The following STON2 variants were observed in gnomAD, a reference collection of about 807,000 sequenced individuals.
STON2 encodes stonin 2.
Under a neutral mutation model 65.7 loss-of-function variants are expected in STON2, and 29 were observed. The ratio of observed to expected loss-of-function variants is 0.44; its 90% CI spans 0.33 to 0.60. STON2 has a LOEUF of 0.60. Among genes scored for constraint, STON2 ranks in the 20% least tolerant of loss-of-function variants. The pLI is 0.03. For synonymous variants in STON2, 404 were observed against 414.2 expected (o/e 0.98, Z 0.30); for missense variants, 1,054 against 1,118.1 (o/e 0.94, Z 0.82).
At position 81,398,512 on chromosome 14, in the gene STON2, C is replaced by A; in HGVS notation, c.-130G>T. 1.6e-6 allele frequency: 1 copy of A among 627,236 alleles called. No homozygotes were observed. 38.9% of individuals were successfully genotyped at this position (627,236 alleles called of 1,614,324 possible). A position where few individuals can be genotyped will look rare whatever the true frequency, so the allele number is the denominator to read the frequency against. On this transcript the variant is annotated 5_prime_UTR_variant, in exon 2 of 8. Coordinates refer to ENST00000614646, the MANE Select transcript of STON2 (RefSeq NM_001394390.1). ...TCCAGGGTCTGTTCTAGGTGTCTTG[C>A]CAAGGGCAGTACTCAGAATGTAGAC... is the stretch of plus-strand genomic sequence containing the variant.
At chr14:81,426,080 A>G (rs1014440938) in intron 2 of STON2, among the ~76,000 whole-genome samples, 1 of 152,220 alleles carries the variant, frequency 6.6e-6, no homozygotes, top group Non-Finnish European at 1.5e-5. Context: ...CGAATGTCGC[A>G]CTTACTGAGC....
chr14:81,291,370 A>G (rs761293405), intron 5 of STON2, among the ~76,000 whole-genome samples: 31 of 152,164 alleles, frequency 2.0e-4, no homozygotes, highest in Non-Finnish European at 3.5e-4. Flanking sequence ...TAAGTCATGA[A>G]TACACTTTGA....
At chr14:81,339,659 C>T (rs1423129179) in intron 4 of STON2, among the ~76,000 whole-genome samples, 1 of 152,156 alleles carries the variant, frequency 6.6e-6, no homozygotes, top group Admixed American at 6.5e-5. Context: ...CCAAAGAAGG[C>T]CAGGCTAAAG....
chr14:81,312,228 T>TA (rs1158796798), intron 5 of STON2, among the ~76,000 whole-genome samples: 4 of 152,128 alleles, frequency 2.6e-5, no homozygotes, highest in African/African-American at 9.7e-5. Flanking sequence ...CAGGCAAGCA[T>TA]AAAAAGGCAG....
intron 2 of STON2, 68 bp downstream of exon 2, chr14:81,398,227 G>A (rs1191163239): frequency 9.0e-7 from 1 of 1,105,868 alleles, no homozygotes; most frequent in Non-Finnish European, 1.3e-6. Flanking sequence ...TAATCAAGTA[G>A]AAGCCATAAC....
At chr14:81,305,223 T>C (rs1896126040) in intron 5 of STON2, among the ~76,000 whole-genome samples, 1 of 152,262 alleles carries the variant, frequency 6.6e-6, no homozygotes, top group African/African-American at 2.4e-5. Flanking sequence ...TTCTTGCACA[T>C]GCCTTTGATG....
intron 1 of STON2, chr14:81,427,384 A>G (rs1275046280): frequency 1.3e-5 from 2 of 152,236 alleles, no homozygotes; most frequent in Non-Finnish European, 2.9e-5. Context: ...GCCCAGGAGC[A>G]CTGTGCTGTG....
chr14:81,405,344 T>C lies in STON2; in HGVS notation c.-198-6764A>G, dbSNP rs1163048177. On this transcript the variant is annotated intron_variant, in intron 2 of 8. Coordinates refer to the STON2 transcript ENST00000553821. Reference sequence around the variant, plus strand: ...TATTTCTTTGCTGTGATGCCTTATATATTCACTCATTGTGACAATATTTTC... The same window carrying C: ...TATTTCTTTGCTGTGATGCCTTATACATTCACTCATTGTGACAATATTTTC... 2.0e-5 allele frequency among the ~76,000 whole-genome samples: 3 copies of C among 152,220 alleles called. No homozygotes were observed. In the East Asian group the frequency reaches 5.8e-4, roughly 29 times the overall value.
At chr14:81,317,320 C>T (rs1896662058) in intron 5 of STON2, among the ~76,000 whole-genome samples, 1 of 152,214 alleles carries the variant, frequency 6.6e-6, no homozygotes, top group Non-Finnish European at 1.5e-5. Flanking sequence ...CACCAGGCCC[C>T]ACCTCCAAAA....
rs115218655 is a variant in STON2 at position 81,430,092 on chromosome 14, C to G, written c.-309-2880G>C. Among the ~76,000 whole-genome samples, 571 of 152,284 alleles carry G rather than the reference C, an allele frequency of 3.7e-3. 3 individuals carry two copies. The highest frequency in any genetic ancestry group is 0.013 in the African/African-American group (555 of 41,552). ...CTTAGACCCATTCCTTCCCTAAAGA[C>G]TATGGTTCCCACCTAGCTAAATCCT... On this transcript the variant is annotated intron_variant, in intron 1 of 8. Transcript: ENST00000553821.
intron 4 of STON2, among the ~76,000 whole-genome samples, chr14:81,348,868 C>G (rs1307058931): frequency 7.7e-6 from 1 of 129,470 alleles, no homozygotes; most frequent in Non-Finnish European, 1.8e-5. Flanking sequence ...GTTATAGTGA[C>G]TAAACAGCAT....
In STON2 at chr14:81,261,940, A is replaced by G; in HGVS notation, c.*6474T>C. 7.2e-7 allele frequency: 1 copy of G among 1,396,958 alleles called. No homozygotes were observed. The highest frequency in any genetic ancestry group is 9.2e-7 in the Non-Finnish European group (1 of 1,081,768). 86.5% of individuals were successfully genotyped at this position (1,396,958 alleles called of 1,614,324 possible). On this transcript the variant is annotated 3_prime_UTR_variant, in exon 8 of 8. Coordinates refer to ENST00000614646, the MANE Select transcript of STON2 (RefSeq NM_001394390.1). ...TTGTCTGTTTCTGTTGTCTGGGGAA[A>G]TGATAAAAAAAAAAAAAAAAAAGAG...
At chr14:81,374,104 G>C (rs774649463) in intron 3 of STON2, among the ~76,000 whole-genome samples, 1 of 125,506 alleles carries the variant, frequency 8.0e-6, no homozygotes, top group African/African-American at 3.1e-5. Flanking sequence ...TCCACCTCCC[G>C]GGCTCAAGTG....
intron 2 of STON2, among the ~76,000 whole-genome samples, chr14:81,418,519 C>A (rs766039367): frequency 6.6e-6 from 1 of 152,126 alleles, no homozygotes; most frequent in Non-Finnish European, 1.5e-5. Flanking sequence ...ACCCAGATTA[C>A]AGTTTAAAGC....
Position 81,277,850 on chromosome 14 carries a change from A to C in STON2, c.1632T>G (p.Leu544=). The C allele has an allele frequency of 6.2e-7, 1 of 1,614,138 alleles. No homozygotes were observed. Among genetic ancestry groups the C allele is most frequent in the African/African-American group, 1.3e-5 (1 of 75,018 alleles). Residue 544 remains leucine, a synonymous_variant, in exon 6 of 8, where the codon CTT becomes CTG. Coordinates refer to ENST00000614646, the MANE Select transcript of STON2 (RefSeq NM_001394390.1). ...TTCTGCCATTCTCATCATAGTTTTG[A>C]AGCCGGGGTTCTGAAATCTCATGAC... ...EICHEISEPR[L]QNYDENGRIH... is the part of the protein sequence containing the mutation.
rs1894295901 is a variant in STON2 at position 81,264,896 on chromosome 14, T to A, written c.*3518A>T. The A allele has an allele frequency of 1.0e-6, 1 of 985,312 alleles. No individual in the cohort carries two copies. Among genetic ancestry groups the A allele is most frequent in the Admixed American group, 6.1e-5 (1 of 16,268 alleles). The allele number at this position is 985,312 out of a possible 1,614,324, so 61.0% of individuals were successfully genotyped here. A position where few individuals can be genotyped will look rare whatever the true frequency, so the allele number is the denominator to read the frequency against. ...TCACATTGTCTTGTCTGACATGTCA[T>A]GAGTACATTTCTTATCTTTTTGCTG... On this transcript the variant is annotated 3_prime_UTR_variant, in exon 8 of 8. Coordinates refer to ENST00000614646, the MANE Select transcript of STON2 (RefSeq NM_001394390.1).
chr14:81,420,746 T>G (rs1431138978), intron 2 of STON2, among the ~76,000 whole-genome samples: 6 of 152,176 alleles, frequency 3.9e-5, no homozygotes, highest in African/African-American at 1.4e-4. Context: ...GGCAGGATGG[T>G]ATCTATAAGA....
chr14:81,373,714 A>G lies in STON2; in HGVS notation c.374-2529T>C, dbSNP rs543886234. On this transcript the variant is annotated intron_variant, in intron 3 of 7. Transcript: ENST00000614646. ...AGGGCCAACCGAAGATGGGGAACAG[A>G]AGAGCTGACGCATAAAGTGAGAATT... 1.1e-4 allele frequency among the ~76,000 whole-genome samples: 17 copies of G among 152,324 alleles called. No homozygotes were observed. In the East Asian group the frequency reaches 3.1e-3, roughly 28 times the overall value.
At chr14:81,373,037 G>A (rs770139287) in intron 3 of STON2, among the ~76,000 whole-genome samples, 42 of 151,916 alleles carry the variant, frequency 2.8e-4, no homozygotes, top group Non-Finnish European at 4.7e-4. Flanking sequence ...CCAAAAATGC[G>A]AGGTCCCCTT....
Sources: allele counts gnomAD v4.1 joint callset (sites outside exome capture counted in the v4.1 genomes callset), GRCh38; gene constraint gnomAD v4.1.1; transcripts MANE v1.5; gene names NCBI Gene and HGNC (gene_info 2026-07-23, HGNC 2026-07-21).